Variants in KIF13B observed in about 807,000 individuals in gnomAD.
KIF13B encodes kinesin-like protein KIF13B.
KIF13B carries 127 observed loss-of-function variants against 222.0 expected under a neutral mutation model. That is an observed-to-expected ratio of 0.57 (90% CI 0.50 to 0.66). The LOEUF (loss-of-function observed/expected upper bound fraction) is 0.66, where lower values mean the gene tolerates loss of function less well. Among genes scored for constraint, KIF13B ranks in the 30% least tolerant of loss-of-function variants. The probability of loss-of-function intolerance (pLI) is 0.00; values close to 1 mark genes in which losing one functional copy is unlikely to be tolerated. For missense variants in KIF13B, 2,173 were observed against 2,379.0 expected (o/e 0.91, Z 1.80); for synonymous variants, 976 against 919.0 (o/e 1.06, Z -1.12).
chr8:29,255,347 A>C (rs912883896), intron 1 of KIF13B, among the ~76,000 whole-genome samples: 1 of 152,178 alleles, frequency 6.6e-6, no homozygotes, highest in Admixed American at 6.5e-5. Flanking sequence ...TAGAAAATAC[A>C]GTTAGGGTCC....
chr8:29,102,103 A>G (rs1808816401), intron 35 of KIF13B, among the ~76,000 whole-genome samples: 1 of 152,150 alleles, frequency 6.6e-6, no homozygotes, highest in Non-Finnish European at 1.5e-5. Flanking sequence ...AAGAAAAAAA[A>G]AAAAAGAAAA....
chr8:29,255,714 A>C (rs1816449711), intron 1 of KIF13B, among the ~76,000 whole-genome samples: 1 of 152,186 alleles, frequency 6.6e-6, no homozygotes, highest in Admixed American at 6.5e-5. Context: ...GCCAATGCCC[A>C]ATACCAATTA....
chr8:29,247,320 C>T, intron 1 of KIF13B, among the ~76,000 whole-genome samples: 1 of 152,106 alleles, frequency 6.6e-6, no homozygotes, highest in Non-Finnish European at 1.5e-5. Context: ...CCCAGGAGTT[C>T]AGGGTTACAG....
chr8:29,239,882 C>T (rs548060403), intron 2 of KIF13B, among the ~76,000 whole-genome samples: 12 of 152,024 alleles, frequency 7.9e-5, no homozygotes, highest in South Asian at 6.2e-4. Flanking sequence ...AGGCTGGTTT[C>T]GAACTCCTGA....
intron 2 of KIF13B, among the ~76,000 whole-genome samples, chr8:29,199,574 C>CAAAAAAAAAAAAAAAAAAAAAAAAA (rs10579222): frequency 8.4e-6 from 1 of 119,458 alleles, no homozygotes; most frequent in African/African-American, 3.2e-5. Flanking sequence ...TTCCAAAATC[C>CAAAAAAAAAAAAAAAAAAAAAAAAA]AAAAAAAAAA....
chr8:29,208,638 T>C (rs1814066626), intron 2 of KIF13B, among the ~76,000 whole-genome samples: 2 of 152,228 alleles, frequency 1.3e-5, no homozygotes, highest in South Asian at 4.1e-4. Flanking sequence ...AGACTGAATA[T>C]TCAAATAGAC....
At chr8:29,146,289 C>G in intron 18 of KIF13B, 89 bp downstream of exon 18, 1 of 1,358,798 alleles carries the variant, frequency 7.4e-7, no homozygotes, top group Non-Finnish European at 1.1e-6. Flanking sequence ...CAGGCACAGA[C>G]AGGGATCTGA....
Position 29,148,781 on chromosome 8 carries a change from A to C in KIF13B, c.1623-14T>G. On this transcript the variant is annotated splice_polypyrimidine_tract_variant and intron_variant, in intron 15 of 39. Coordinates refer to ENST00000524189, the MANE Select transcript of KIF13B (RefSeq NM_015254.4). ...GGCAAATTGAGTCTTGGTGGGAAAA[A>C]GAGTATTATTTTCTGAAGTTAAGAT... 1 of 1,576,478 alleles carries C rather than the reference A, an allele frequency of 6.3e-7. No homozygotes were observed. The highest frequency in any genetic ancestry group is 8.6e-7 in the Non-Finnish European group (1 of 1,161,186).
chr8:29,072,312 T>C lies in KIF13B; in HGVS notation c.4526A>G (p.Gln1509Arg). The C allele has an allele frequency of 7.1e-7, 1 of 1,412,748 alleles. No individual in the cohort carries two copies. Among genetic ancestry groups the C allele is most frequent in the Admixed American group, 2.9e-5 (1 of 33,990 alleles). The allele number at this position is 1,412,748 out of a possible 1,614,324, so 87.5% of individuals were successfully genotyped here. A position where few individuals can be genotyped will look rare whatever the true frequency, so the allele number is the denominator to read the frequency against. ...CAGCACGTCAGGGCCCATCTCCGGC[T>C]GAGCCTGCAGCAGGACGGGGAAGCA... ...DIRVTRMEEA[Q>R]PEMGPDVLVQ... is the part of the protein sequence containing the mutation. The change falls in exon 39 of 40, where the codon CAG becomes CGG. Residue 1509 changes from glutamine (Q) to arginine (R), a missense_variant. Coordinates refer to ENST00000524189, the MANE Select transcript of KIF13B (RefSeq NM_015254.4).
chr8:29,169,274 A>T (rs571936843), intron 10 of KIF13B, among the ~76,000 whole-genome samples: 2 of 152,208 alleles, frequency 1.3e-5, no homozygotes, highest in Non-Finnish European at 2.9e-5. Context: ...GTTTGTTCGG[A>T]CAATGGAGGT....
At chr8:29,156,900 C>T (rs1250490138) in intron 13 of KIF13B, among the ~76,000 whole-genome samples, 1 of 152,018 alleles carries the variant, frequency 6.6e-6, no homozygotes, top group East Asian at 1.9e-4. Context: ...GGAATAAGCG[C>T]CAAAGCTAAA....
chr8:29,100,855 T>A (rs1808755400), intron 35 of KIF13B, among the ~76,000 whole-genome samples: 1 of 152,196 alleles, frequency 6.6e-6, no homozygotes, highest in African/African-American at 2.4e-5. Flanking sequence ...CAGAAATGTA[T>A]TGGAAACCCA....
chr8:29,088,786 C>A (rs1306797970), intron 37 of KIF13B, among the ~76,000 whole-genome samples: 1 of 152,164 alleles, frequency 6.6e-6, no homozygotes, highest in African/African-American at 2.4e-5. Context: ...AAGCATAAAG[C>A]ATATTCAAAG....
intron 1 of KIF13B, among the ~76,000 whole-genome samples, chr8:29,254,497 A>G (rs1312423228): frequency 1.3e-5 from 2 of 152,226 alleles, no homozygotes; most frequent in Non-Finnish European, 2.9e-5. Flanking sequence ...AATAAGGGGA[A>G]GATGTGAATA....
intron 22 of KIF13B, 72 bp from the exon 23 acceptor site, chr8:29,132,537 C>T: frequency 1.0e-6 from 1 of 962,790 alleles, no homozygotes; most frequent in African/African-American, 1.7e-5. Context: ...TACCAGACAT[C>T]ACATACTTAA....
Position 29,071,861 on chromosome 8 carries a change from G to T in KIF13B, c.4977C>A (p.Phe1659Leu). Residue 1659 changes from phenylalanine (F) to leucine (L), a missense_variant, in exon 39 of 40, where the codon TTC (phenylalanine) becomes TTA (leucine). Phe to Leu is a conservative substitution (Grantham distance 22). Around this residue, in one of 2 missense-constraint regions of KIF13B, gnomAD observed 693 missense variants for 656.2 expected, o/e 1.06. Transcript: ENST00000524189. The surrounding 1 kb of genome is among the most constrained non-coding windows in gnomAD (Gnocchi z 4.9). ...RRVRASELRSFSRMLAGDPGC... is the reference protein window; with the variant it reads ...RRVRASELRSLSRMLAGDPGC... Reference sequence around the variant, plus strand: ...CGGGGTCCCCAGCCAGCATGCGCGAGAAGGAGCGCAACTCCGAGGCCCGCA... The same window carrying T: ...CGGGGTCCCCAGCCAGCATGCGCGATAAGGAGCGCAACTCCGAGGCCCGCA... The T allele has an allele frequency of 6.5e-7, 1 of 1,536,822 alleles. No individual in the cohort carries two copies. The highest frequency in any genetic ancestry group is 1.2e-5 in the South Asian group (1 of 83,968).
intron 29 of KIF13B, 133 bp downstream of exon 29, chr8:29,122,458 C>T (rs2129736493): frequency 1.4e-6 from 1 of 694,548 alleles, no homozygotes; most frequent in East Asian, 2.7e-5. Context: ...AACCAGGAGA[C>T]ATGGACACAC....
intron 36 of KIF13B, among the ~76,000 whole-genome samples, chr8:29,097,605 T>G (rs1037576764): frequency 2.6e-5 from 4 of 152,052 alleles, no homozygotes; most frequent in Non-Finnish European, 5.9e-5. Context: ...AAAAAAGAAT[T>G]AATGCTAGTT....
In KIF13B at chr8:29,160,354, G is replaced by A. The variant is rs552102030; in HGVS notation, c.1404+379C>T. Among the ~76,000 whole-genome samples, 4 of 151,886 alleles carry A rather than the reference G, an allele frequency of 2.6e-5. No individual in the cohort carries two copies. The South Asian group carries it at 6.2e-4, about 24-fold the overall frequency. On this transcript the variant is annotated intron_variant, in intron 13 of 39. Transcript: ENST00000524189. Reference sequence around the variant, plus strand: ...AACTTTATTTATACATTTTTTTCTTGTGAGCTAACACACTGCTCACAAAAG... The same window carrying A: ...AACTTTATTTATACATTTTTTTCTTATGAGCTAACACACTGCTCACAAAAG...
Sources: gnomAD v4.1 joint callset for allele counts (sites outside exome capture counted in the v4.1 genomes callset) on GRCh38, gnomAD v4.1.1 for gene constraint, gnomAD v4.1.1 regional missense constraint, Gnocchi (gnomAD v3.1) non-coding constraint, MANE v1.5 for transcripts, NCBI Gene and HGNC (gene_info 2026-07-23, HGNC 2026-07-21) for gene names.